PPARGC1A: variants seen among roughly 807,000 people sequenced by gnomAD.
The protein encoded by PPARGC1A is PPARG coactivator 1 alpha.
A neutral mutation model predicts 88.7 loss-of-function variants in PPARGC1A; 25 were observed. That is an observed-to-expected ratio of 0.28 (90% CI 0.21 to 0.39). PPARGC1A has a LOEUF of 0.39. Among genes scored for constraint, PPARGC1A ranks in the 10% least tolerant of loss-of-function variants. PPARGC1A has a pLI of 1.00. For synonymous variants in PPARGC1A, 363 were observed against 355.6 expected (o/e 1.02, Z -0.24); for missense variants, 880 against 968.7 (o/e 0.91, Z 1.22).
chr4:23,891,443 T>G (rs1039826571), upstream of PPARGC1A, among the ~76,000 whole-genome samples: 1 of 152,236 alleles, frequency 6.6e-6, no homozygotes, highest in African/African-American at 2.4e-5. Flanking sequence ...TTCTTCATTG[T>G]CCATCTCCTT....
chr4:23,908,610 C>A (rs1255230278), upstream of PPARGC1A, among the ~76,000 whole-genome samples: 1 of 152,106 alleles, frequency 6.6e-6, no homozygotes, highest in Non-Finnish European at 1.5e-5. Context: ...CAGTCAGTAA[C>A]TTTAGACACG....
chr4:24,059,622 G>A, the PPARGC1A span, among the ~76,000 whole-genome samples: 1 of 152,190 alleles, frequency 6.6e-6, no homozygotes, highest in Non-Finnish European at 1.5e-5. Flanking sequence ...TCTGAGCACA[G>A]CTGTGTCTAT....
chr4:24,100,028 G>C, the PPARGC1A span, among the ~76,000 whole-genome samples: 1 of 151,644 alleles, frequency 6.6e-6, no homozygotes, highest in Non-Finnish European at 1.5e-5. Context: ...TGTAAATGAT[G>C]AGTTAATGGG....
the PPARGC1A span, among the ~76,000 whole-genome samples, chr4:24,467,290 C>A: frequency 6.6e-6 from 1 of 152,102 alleles, no homozygotes; most frequent in African/African-American, 2.4e-5. Flanking sequence ...GTTCTGTGAG[C>A]TGGATTTACA....
At chr4:23,980,695 G>A in the PPARGC1A span, among the ~76,000 whole-genome samples, 724 of 152,256 alleles carry the variant, frequency 4.8e-3, 7 homozygotes, top group African/African-American at 0.016. Context: ...GGCATTTGGA[G>A]CCGGCCACAG....
At chr4:23,863,063 A>C (rs1338549229) in intron 2 of PPARGC1A, among the ~76,000 whole-genome samples, 3 of 152,158 alleles carry the variant, frequency 2.0e-5, no homozygotes, top group African/African-American at 7.2e-5. Flanking sequence ...CCCAAGGTTG[A>C]AACCACAGCC....
At chr4:23,950,694 C>T in the PPARGC1A span, among the ~76,000 whole-genome samples, 1 of 152,132 alleles carries the variant, frequency 6.6e-6, no homozygotes. Flanking sequence ...ATTGTTATTA[C>T]CATCTTTCTT....
intron 2 of PPARGC1A, among the ~76,000 whole-genome samples, chr4:23,852,347 A>C (rs1168910203): frequency 6.6e-6 from 1 of 152,154 alleles, no homozygotes; most frequent in African/African-American, 2.4e-5. Flanking sequence ...AATAAATCTG[A>C]AGATCTAGAG....
chr4:24,313,336 A>G, the PPARGC1A span, among the ~76,000 whole-genome samples: 2 of 152,210 alleles, frequency 1.3e-5, no homozygotes, highest in South Asian at 2.1e-4. Context: ...TTGAGACATC[A>G]AAAGGAACCA....
the PPARGC1A span, among the ~76,000 whole-genome samples, chr4:24,436,476 C>G: frequency 0.013 from 1,870 of 141,842 alleles, 53 homozygotes; most frequent in East Asian, 0.13. Flanking sequence ...CCTGGTCACA[C>G]AGCTGACATC....
the PPARGC1A span, among the ~76,000 whole-genome samples, chr4:24,421,009 T>C: frequency 6.6e-6 from 1 of 152,154 alleles, no homozygotes; most frequent in Non-Finnish European, 1.5e-5. Flanking sequence ...CTAATTCCAT[T>C]CTTGAGGGCA....
chr4:24,451,947 A>G, the PPARGC1A span, among the ~76,000 whole-genome samples: 1 of 152,128 alleles, frequency 6.6e-6, no homozygotes, highest in African/African-American at 2.4e-5. Flanking sequence ...ATTATTCTAG[A>G]TGTTTCTGTG....
chr4:24,253,436 T>C, the PPARGC1A span, among the ~76,000 whole-genome samples: 2 of 152,218 alleles, frequency 1.3e-5, no homozygotes, highest in Admixed American at 6.5e-5. Flanking sequence ...GAAAGAGATA[T>C]AGTAAATGTG....
At chr4:24,077,199 C>A in the PPARGC1A span, among the ~76,000 whole-genome samples, 1 of 152,058 alleles carries the variant, frequency 6.6e-6, no homozygotes, top group South Asian at 2.1e-4. Flanking sequence ...ATATCTTTGG[C>A]CTCTCTTTGG....
chr4:23,871,071 T>A (rs1040531206), intron 2 of PPARGC1A, among the ~76,000 whole-genome samples: 1 of 152,088 alleles, frequency 6.6e-6, no homozygotes, highest in African/African-American at 2.4e-5. Context: ...AAACAGGGCA[T>A]GGCTTGCACT....
chr4:24,292,170 T>C, the PPARGC1A span, among the ~76,000 whole-genome samples: 1 of 152,098 alleles, frequency 6.6e-6, no homozygotes, highest in Non-Finnish European at 1.5e-5. Context: ...CACCCCTGCA[T>C]GTGGATGAAC....
At chr4:24,255,269 C>T in the PPARGC1A span, among the ~76,000 whole-genome samples, 1 of 152,194 alleles carries the variant, frequency 6.6e-6, no homozygotes, top group African/African-American at 2.4e-5. Flanking sequence ...TCCATCAAAA[C>T]ACCTCAAATA....
chr4:24,050,194 C>CTTTTTTT, the PPARGC1A span, among the ~76,000 whole-genome samples: 32 of 127,830 alleles, frequency 2.5e-4, 12 homozygotes, highest in South Asian at 2.6e-4. Flanking sequence ...CTTAGGTGAC[C>CTTTTTTT]TTTTGTTTTT....
At chr4:24,206,681 C>CA in the PPARGC1A span, among the ~76,000 whole-genome samples, 1 of 151,458 alleles carries the variant, frequency 6.6e-6, no homozygotes, top group African/African-American at 2.4e-5. Context: ...AATACACACA[C>CA]AAAAAAATAA....
Sources: gnomAD v4.1 joint callset for allele counts (sites outside exome capture counted in the v4.1 genomes callset) on GRCh38, gnomAD v4.1.1 for gene constraint, MANE v1.5 for transcripts, NCBI Gene and HGNC (gene_info 2026-07-23, HGNC 2026-07-21) for gene names.